SCAMP4: variants seen among roughly 807,000 people sequenced by gnomAD.
The protein encoded by SCAMP4 is secretory carrier-associated membrane protein 4.
SCAMP4 carries 19 observed loss-of-function variants against 32.1 expected under a neutral mutation model. That is an observed-to-expected ratio of 0.59 (90% CI 0.41 to 0.87). The LOEUF (loss-of-function observed/expected upper bound fraction) is 0.87, where lower values mean the gene tolerates loss of function less well. SCAMP4 is among the 40% of genes least tolerant of loss of function. The pLI, the probability that SCAMP4 is intolerant of heterozygous loss-of-function variation, is 0.00. For synonymous variants in SCAMP4, 152 were observed against 132.7 expected (o/e 1.15, Z -1.00); for missense variants, 302 against 309.0 (o/e 0.98, Z 0.17).
chr19:1,907,569 G>A (rs1166497480), intron 1 of SCAMP4, among the ~76,000 whole-genome samples: 4 of 152,106 alleles, frequency 2.6e-5, no homozygotes, highest in African/African-American at 4.8e-5. Context: ...CCCAGGTCCC[G>A]GCGCGGACCT....
At chr19:1,911,892 G>T (rs1389444579) in intron 1 of SCAMP4, 1 of 922,414 alleles carries the variant, frequency 1.1e-6, no homozygotes, top group Non-Finnish European at 1.5e-6. Context: ...CACACCAGGG[G>T]TTAGCAGGAC....
intron 1 of SCAMP4, chr19:1,911,931 C>G: frequency 7.6e-7 from 1 of 1,316,776 alleles, no homozygotes. Flanking sequence ...GATGCGGTGA[C>G]CTGGGCCGGA....
At chr19:1,923,876 CGGCCTCCCG>C in intron 6 of SCAMP4, among the ~76,000 whole-genome samples, 7 of 115,170 alleles carry the variant, frequency 6.1e-5, no homozygotes, top group East Asian at 2.3e-4. Flanking sequence ...CCTCCCGCCT[CGGCCTCCCG>C]AAGTGCTGGG....
At chr19:1,923,938 GTAGTAGAGACAGGGTTTCA>G (rs2014010856) in intron 6 of SCAMP4, among the ~76,000 whole-genome samples, 151 bp from the exon 7 acceptor site, 2 of 69,706 alleles carry the variant, frequency 2.9e-5, no homozygotes, top group Non-Finnish European at 1.0e-4. Flanking sequence ...TTTTTATATT[GTAGTAGAGACAGGGTTTCA>G]CCATGTTGTT....
chr19:1,922,642 T>C (rs1222392926), intron 5 of SCAMP4: 1 of 986,476 alleles, frequency 1.0e-6, no homozygotes, highest in African/African-American at 1.7e-5. Context: ...GTTCCCATCA[T>C]TAGACACAGT....
Position 1,918,994 on chromosome 19 carries a change from A to G in SCAMP4, c.395+4A>G, listed in dbSNP as rs569645854. On this transcript the variant is annotated splice_donor_region_variant and intron_variant, in intron 5 of 6. Coordinates refer to ENST00000316097, the MANE Select transcript of SCAMP4 (RefSeq NM_079834.4). ...GCTTCTCCGGCTGGGGCGCGTGGTAAGCCTCTCTCTGATGGGCGTGGTGGC... is the reference window on the plus strand; with the variant it reads ...GCTTCTCCGGCTGGGGCGCGTGGTAGGCCTCTCTCTGATGGGCGTGGTGGC... 3 of 1,601,772 alleles carry G rather than the reference A, an allele frequency of 1.9e-6. No homozygotes were observed. The highest frequency in any genetic ancestry group is 2.7e-5 in the African/African-American group (2 of 74,684).
In SCAMP4 at chr19:1,908,459, A is replaced by G; in HGVS notation, c.-42+3020A>G. On this transcript the variant is annotated intron_variant, in intron 1 of 6. Transcript: ENST00000316097. The surrounding 1 kb of genome is among the most constrained non-coding windows in gnomAD (Gnocchi z 4.2). Reference sequence around the variant, plus strand: ...TAGCACCCACAGCTGCGCGGCTGCGAAATGATCCAGAGACACATCCCTGTC... The same window carrying G: ...TAGCACCCACAGCTGCGCGGCTGCGGAATGATCCAGAGACACATCCCTGTC... 3 of 470,500 alleles carry G rather than the reference A, an allele frequency of 6.4e-6. No individual in the cohort carries two copies. Among genetic ancestry groups the G allele is most frequent in the Non-Finnish European group, 1.3e-5 (3 of 226,792 alleles). 29.1% of individuals were successfully genotyped at this position (470,500 alleles called of 1,614,324 possible).
chr19:1,912,927 C>G (rs759699951), intron 1 of SCAMP4: 3 of 1,610,328 alleles, frequency 1.9e-6, no homozygotes, highest in African/African-American at 1.3e-5. Context: ...CCTCCCCTAC[C>G]TGTGCACTGG....
intron 1 of SCAMP4, among the ~76,000 whole-genome samples, chr19:1,911,602 G>A (rs1191258477): frequency 2.0e-5 from 3 of 152,176 alleles, no homozygotes; most frequent in African/African-American, 4.8e-5. Context: ...ACGACGTGGT[G>A]AAATCCCATC....
Position 1,924,634 on chromosome 19 carries a change from C to G in SCAMP4, c.*350C>G. The stretch of plus-strand genomic sequence containing the variant: ...CTCCGGGGGACAGGTGGCAGCAGGT[C>G]GGCCGCCCTCCCGTCCTCCCAGAGC... On this transcript the variant is annotated 3_prime_UTR_variant, in exon 7 of 7. Transcript: ENST00000316097. 3.4e-6 allele frequency: 1 copy of G among 292,228 alleles called. No individual in the cohort carries two copies. The highest frequency in any genetic ancestry group is 6.8e-6 in the Non-Finnish European group (1 of 146,014). The allele number at this position is 292,228 out of a possible 1,614,324, so 18.1% of individuals were successfully genotyped here.
rs760031960 is a variant in SCAMP4, at chr19:1,925,233, G to A, written c.*949G>A. 1 of 152,228 alleles carries A rather than the reference G, an allele frequency of 6.6e-6. No individual in the cohort carries two copies. The highest frequency in any genetic ancestry group is 1.5e-5 in the Non-Finnish European group (1 of 68,128). The allele number at this position is 152,228 out of a possible 1,614,324, so 9.4% of individuals were successfully genotyped here. A position where few individuals can be genotyped will look rare whatever the true frequency, so the allele number is the denominator to read the frequency against. ...CTGCCTCAGCCTCCCAAATAGCTGG[G>A]ATTACAGTTGCCTGCCACCACGCCC... On this transcript the variant is annotated 3_prime_UTR_variant, in exon 7 of 7. Transcript: ENST00000316097.
intron 5 of SCAMP4, chr19:1,922,705 C>T: frequency 1.0e-6 from 1 of 995,910 alleles, no homozygotes; most frequent in Non-Finnish European, 1.2e-6. Context: ...TGAGTCTTTC[C>T]ATGGCTGGTG....
At position 1,923,645 on chromosome 19, in the gene SCAMP4, G is replaced by A. The variant is rs1321785969; in HGVS notation, c.513+458G>A. On this transcript the variant is annotated intron_variant, in intron 6 of 6. Coordinates refer to ENST00000316097, the MANE Select transcript of SCAMP4 (RefSeq NM_079834.4). ...TTTTTTTTTTTTTTTTTTAGACAGA[G>A]TCTCGCTCTGTCACCCAGGCTGGAG... Among the ~76,000 whole-genome samples, 7 of 110,538 alleles carry A rather than the reference G, an allele frequency of 6.3e-5. No individual in the cohort carries two copies. In the Admixed American group the frequency reaches 7.2e-4, roughly 11 times the overall value. 72.5% of individuals were successfully genotyped at this position (110,538 alleles called of 152,430 possible).
At chr19:1,912,742 G>A (rs775845934) in intron 1 of SCAMP4, 2 of 1,542,486 alleles carry the variant, frequency 1.3e-6, no homozygotes, top group Non-Finnish European at 1.7e-6. Flanking sequence ...GACTGCAGCT[G>A]CGCGGACAAC....
intron 1 of SCAMP4, chr19:1,912,399 G>T: frequency 1.3e-6 from 2 of 1,516,688 alleles, no homozygotes; most frequent in Non-Finnish European, 8.8e-7. Context: ...GCCGGCCTCG[G>T]GCCCGCGCTC....
intron 1 of SCAMP4, chr19:1,913,222 C>G: frequency 6.9e-7 from 1 of 1,453,946 alleles, no homozygotes; most frequent in Admixed American, 2.6e-5. Flanking sequence ...TTCCGGGCCT[C>G]GATTTCTTCC....
At chr19:1,922,530 C>T (rs536904771) in intron 5 of SCAMP4, 29 of 985,286 alleles carry the variant, frequency 2.9e-5, no homozygotes, top group East Asian at 1.1e-4. Context: ...CCTCTGCGCC[C>T]GGCCTCCTCA....
chr19:1,922,322 C>A, intron 5 of SCAMP4: 1 of 932,956 alleles, frequency 1.1e-6, no homozygotes, highest in Non-Finnish European at 1.3e-6. Context: ...AGCAACGGCA[C>A]GATCTCGGCT....
rs755926017 is a variant in SCAMP4, at chr19:1,924,217, T to G, written c.623T>G (p.Phe208Cys). ...PPSREAQYNN[F>C]SGNSLPEYPT... ...TCGAGGGAGGCCCAGTACAACAACTTCTCAGGCAACAGCCTGCCCGAGTAC... is the reference window on the plus strand; with the variant it reads ...TCGAGGGAGGCCCAGTACAACAACTGCTCAGGCAACAGCCTGCCCGAGTAC... Residue 208 changes from phenylalanine to cysteine, a missense_variant, in exon 7 of 7, where the codon TTC becomes TGC. Physicochemically the swap from Phe to Cys is radical, Grantham distance 205. Coordinates refer to ENST00000316097, the MANE Select transcript of SCAMP4 (RefSeq NM_079834.4). 6 of 1,608,568 alleles carry G rather than the reference T, an allele frequency of 3.7e-6. No homozygotes were observed. The highest frequency in any genetic ancestry group is 5.1e-6 in the Non-Finnish European group (6 of 1,177,562).
Sources: gnomAD v4.1 joint callset for allele counts (sites outside exome capture counted in the v4.1 genomes callset) on GRCh38, gnomAD v4.1.1 for gene constraint, Gnocchi (gnomAD v3.1) non-coding constraint, MANE v1.5 for transcripts, NCBI Gene and HGNC (gene_info 2026-07-23, HGNC 2026-07-21) for gene names.